Variants in PHLPP1 observed in about 807,000 individuals in gnomAD.
PHLPP1 encodes PH domain and leucine rich repeat protein phosphatase 1, also known as PH domain leucine-rich repeat-containing protein phosphatase 1.
In PHLPP1, 42 loss-of-function variants were observed where a neutral mutation model predicts 117.2. The ratio of observed to expected loss-of-function variants is 0.36; its 90% CI spans 0.28 to 0.46. The LOEUF is 0.46. Ranked by LOEUF, PHLPP1 falls within the 20% of genes least tolerant of loss-of-function variation. The probability of loss-of-function intolerance (pLI) is 1.00; values close to 1 mark genes in which losing one functional copy is unlikely to be tolerated. For synonymous variants in PHLPP1, 1,042 were observed against 970.7 expected (o/e 1.07, Z -1.37); for missense variants, 2,084 against 2,241.9 (o/e 0.93, Z 1.42).
chr18:62,939,213 G>C (rs986650403), intron 10 of PHLPP1, among the ~76,000 whole-genome samples: 1 of 151,746 alleles, frequency 6.6e-6, no homozygotes, highest in Non-Finnish European at 1.5e-5. Flanking sequence ...GGCTGGTCTC[G>C]AACTCCTGAC....
At chr18:62,938,692 T>C (rs1312323613) in intron 10 of PHLPP1, among the ~76,000 whole-genome samples, 1 of 152,194 alleles carries the variant, frequency 6.6e-6, no homozygotes, top group Non-Finnish European at 1.5e-5. Context: ...GTTTCCCCCT[T>C]AATTTTGCAT....
intron 12 of PHLPP1, among the ~76,000 whole-genome samples, chr18:62,950,370 C>G (rs1458262636): frequency 1.3e-5 from 2 of 152,152 alleles, no homozygotes; most frequent in Admixed American, 1.3e-4. Context: ...AAAAAATAAA[C>G]TGAATATAGA....
intron 2 of PHLPP1, among the ~76,000 whole-genome samples, chr18:62,835,773 GTTC>G (rs978208938): frequency 3.3e-4 from 46 of 137,864 alleles, no homozygotes; most frequent in Non-Finnish European, 5.1e-4. Flanking sequence ...AATTCAACTG[GTTC>G]TTTTTTTTTT....
intron 1 of PHLPP1, among the ~76,000 whole-genome samples, chr18:62,726,838 C>T (rs565493486): frequency 4.6e-4 from 70 of 151,758 alleles, no homozygotes; most frequent in African/African-American, 1.5e-3. Flanking sequence ...TCTGCCTTGG[C>T]CTCCCAAAGT....
At chr18:62,870,667 T>A (rs931091150) in intron 4 of PHLPP1, among the ~76,000 whole-genome samples, 3 of 152,206 alleles carry the variant, frequency 2.0e-5, no homozygotes, top group African/African-American at 7.2e-5. Flanking sequence ...AGGTAGGAGT[T>A]CAGAGACATT....
intron 10 of PHLPP1, among the ~76,000 whole-genome samples, chr18:62,939,131 C>T (rs1015168063): frequency 1.3e-5 from 2 of 151,628 alleles, no homozygotes; most frequent in Non-Finnish European, 1.5e-5. Context: ...GCTGGGATTA[C>T]AGGTGCCTGC....
At position 62,716,238 on chromosome 18, in the gene PHLPP1, G is replaced by C. The variant is rs1466867886; in HGVS notation, c.555G>C (p.Leu185=). The change falls in exon 1 of 17, where the codon CTG becomes CTC. Residue 185 remains leucine (L), a synonymous_variant. Coordinates refer to ENST00000262719, the MANE Select transcript of PHLPP1 (RefSeq NM_194449.4). The surrounding 1 kb of genome is among the most constrained non-coding windows in gnomAD (Gnocchi z 5.7). ...TGCTTCTGAAGCACCGGCAGACGCT[G>C]CAGCTGCAGCCGTCGGACCGGGACT... ...KTLLLKHRQT[L]QLQPSDRDWV... 6.5e-6 allele frequency: 10 copies of C among 1,529,544 alleles called. No homozygotes were observed. The highest frequency in any genetic ancestry group is 8.7e-6 in the Non-Finnish European group (10 of 1,144,248). 94.7% of individuals were successfully genotyped at this position (1,529,544 alleles called of 1,614,324 possible).
At chr18:62,788,434 A>G (rs1913362210) in intron 1 of PHLPP1, among the ~76,000 whole-genome samples, 1 of 152,172 alleles carries the variant, frequency 6.6e-6, no homozygotes, top group Non-Finnish European at 1.5e-5. Context: ...CTCCCTTCTC[A>G]GTTTATATTG....
intron 2 of PHLPP1, among the ~76,000 whole-genome samples, chr18:62,833,083 A>T (rs979819647): frequency 2.0e-5 from 3 of 152,086 alleles, no homozygotes; most frequent in Admixed American, 6.6e-5. Flanking sequence ...TATTATTATT[A>T]TTTTTTTAAA....
At chr18:62,973,958 A>G (rs1466597066) in intron 15 of PHLPP1, among the ~76,000 whole-genome samples, 1 of 152,210 alleles carries the variant, frequency 6.6e-6, no homozygotes, top group African/African-American at 2.4e-5. Flanking sequence ...TAGCAGGCAC[A>G]TCAGCTTTCC....
chr18:62,740,364 A>G (rs779941983), intron 1 of PHLPP1, among the ~76,000 whole-genome samples: 71 of 152,212 alleles, frequency 4.7e-4, no homozygotes, highest in Non-Finnish European at 1.0e-4. Context: ...CTTACAGGTA[A>G]GAGCTGATTC....
chr18:62,745,429 A>G (rs1911648117), intron 1 of PHLPP1, among the ~76,000 whole-genome samples: 1 of 152,248 alleles, frequency 6.6e-6, no homozygotes, highest in Non-Finnish European at 1.5e-5. Flanking sequence ...GCATTAAGAA[A>G]TCTAGCTCAT....
At chr18:62,956,614 T>A (rs1013334168) in intron 12 of PHLPP1, among the ~76,000 whole-genome samples, 1 of 151,812 alleles carries the variant, frequency 6.6e-6, no homozygotes, top group Non-Finnish European at 1.5e-5. Context: ...TATATATGAA[T>A]AAGACTATAA....
rs773231349 is a variant in PHLPP1, at chr18:62,978,617, T to A, written c.4340T>A (p.Ile1447Asn). 2 of 1,613,830 alleles carry A rather than the reference T, an allele frequency of 1.2e-6. No homozygotes were observed. The highest frequency in any genetic ancestry group is 1.7e-6 in the Non-Finnish European group (2 of 1,179,810). The change falls in exon 17 of 17, where the codon ATC (isoleucine) becomes AAC (asparagine). Residue 1447 changes from isoleucine (I) to asparagine (N), a missense_variant. This residue lies in a region of PHLPP1 where 1,365 missense variants were observed against 1,605.9 expected (regional missense o/e 0.85). Coordinates refer to ENST00000262719, the MANE Select transcript of PHLPP1 (RefSeq NM_194449.4). This position sits in a 1 kb window ranked among gnomAD's most constrained non-coding sequence, Gnocchi z 7.0. The stretch of plus-strand genomic sequence containing the variant: ...GCTGTGCCACCACCCAGTCCTGGCA[T>A]CTTTCCTCCCTCAGTGAACATGGTG... The part of the protein sequence containing the change: ...GGAVPPPSPG[I>N]FPPSVNMVIK...
chr18:62,951,223 C>T (rs917848467), intron 12 of PHLPP1, among the ~76,000 whole-genome samples: 14 of 152,112 alleles, frequency 9.2e-5, no homozygotes, highest in African/African-American at 2.9e-4. Context: ...CCTCGTGATC[C>T]GCCCGCCTCG....
chr18:62,861,255 G>A (rs1211121783), intron 4 of PHLPP1, among the ~76,000 whole-genome samples: 2 of 152,004 alleles, frequency 1.3e-5, no homozygotes, highest in Admixed American at 1.3e-4. Context: ...GATTACAGGC[G>A]CCCACGCCCT....
chr18:62,806,052 C>T (rs774692576), intron 1 of PHLPP1, among the ~76,000 whole-genome samples: 1 of 152,018 alleles, frequency 6.6e-6, no homozygotes, highest in Admixed American at 6.5e-5. Flanking sequence ...AAAGTGCCCT[C>T]CCGGACTTCT....
At chr18:62,961,954 T>C (rs567447082) in intron 13 of PHLPP1, among the ~76,000 whole-genome samples, 1 of 152,352 alleles carries the variant, frequency 6.6e-6, no homozygotes, top group Admixed American at 6.5e-5. Context: ...TTGATTTACT[T>C]CTTAGAGCTT....
intron 1 of PHLPP1, among the ~76,000 whole-genome samples, chr18:62,769,934 T>C (rs1420811136): frequency 6.6e-6 from 1 of 152,204 alleles, no homozygotes; most frequent in Non-Finnish European, 1.5e-5. Flanking sequence ...TTGAAGAACT[T>C]TGTGAAATCT....
Sources: gnomAD v4.1 joint callset for allele counts (sites outside exome capture counted in the v4.1 genomes callset) on GRCh38, gnomAD v4.1.1 for gene constraint, gnomAD v4.1.1 regional missense constraint, Gnocchi (gnomAD v3.1) non-coding constraint, MANE v1.5 for transcripts, NCBI Gene and HGNC (gene_info 2026-07-23, HGNC 2026-07-21) for gene names.